The following PTPRK variants were observed in gnomAD, a reference collection of about 807,000 sequenced individuals.
PTPRK encodes the protein receptor-type tyrosine-protein phosphatase kappa.
A neutral mutation model predicts 178.0 loss-of-function variants in PTPRK; 75 were observed. The observed-to-expected ratio is 0.42, with a 90% CI of 0.35 to 0.51. The LOEUF (loss-of-function observed/expected upper bound fraction) is 0.51. Ranked by LOEUF, PTPRK falls within the 20% of genes least tolerant of loss-of-function variation. The pLI is 0.02. For missense variants in PTPRK, 1,441 were observed against 1,797.8 expected, an observed-to-expected ratio of 0.80 and a Z score of 3.59; for synonymous variants, 637 against 620.6, an observed-to-expected ratio of 1.03 and a Z score of -0.39.
chr6:128,480,248 C>T (rs1851897760), intron 1 of PTPRK, among the ~76,000 whole-genome samples: 2 of 152,138 alleles, frequency 1.3e-5, no homozygotes, highest in African/African-American at 4.8e-5. Context: ...CGCGCTTGTT[C>T]TTCCAGATGC....
In PTPRK at chr6:128,082,617, A is replaced by C; in HGVS notation, c.1597T>G (p.Ser533Ala). ...QYEISYSSIR[S>A]FDPAVPVAGP... ...GCCACTGGAACTGCAGGATCAAATGATCTTATACTGCTATAGCTGATCTGT... is the reference window on the plus strand; with the variant it reads ...GCCACTGGAACTGCAGGATCAAATGCTCTTATACTGCTATAGCTGATCTGT... Residue 533 changes from serine (S) to alanine (A), a missense_variant, in exon 10 of 30, where the codon TCA (serine) becomes GCA (alanine). Ser to Ala is a moderately conservative substitution (Grantham distance 99). Around this residue, in one of 4 missense-constraint regions of PTPRK, gnomAD observed 945 missense variants for 1,080.6 expected, o/e 0.87. Transcript: ENST00000368226. 6.2e-7 allele frequency: 1 copy of C among 1,610,406 alleles called. No individual in the cohort carries two copies. The highest frequency in any genetic ancestry group is 8.5e-7 in the Non-Finnish European group (1 of 1,176,936).
chr6:128,210,326 C>A (rs1254786071), intron 6 of PTPRK, among the ~76,000 whole-genome samples: 1 of 149,340 alleles, frequency 6.7e-6, no homozygotes. Flanking sequence ...GTAGGCATTA[C>A]ATAAAGATCT....
intron 7 of PTPRK, among the ~76,000 whole-genome samples, chr6:128,145,818 T>A (rs1013588292): frequency 6.6e-6 from 1 of 152,232 alleles, no homozygotes; most frequent in Non-Finnish European, 1.5e-5. Flanking sequence ...AGAAGTCATT[T>A]CTATCTTAAA....
chr6:128,083,893 G>T, intron 8 of PTPRK, 69 bp from the exon 9 acceptor site: 1 of 769,282 alleles, frequency 1.3e-6, no homozygotes, highest in Non-Finnish European at 2.0e-6. Flanking sequence ...AATCAGATAA[G>T]CTAGATAAAC....
chr6:128,000,439 T>C (rs977128351), intron 15 of PTPRK: 22 of 656,072 alleles, frequency 3.4e-5, no homozygotes, highest in Non-Finnish European at 4.1e-5. Context: ...ATGCTCTTTT[T>C]GTAGCATTCA....
intron 7 of PTPRK, among the ~76,000 whole-genome samples, chr6:128,091,242 A>T (rs1786889780): frequency 6.6e-6 from 1 of 152,216 alleles, no homozygotes; most frequent in Admixed American, 6.5e-5. Context: ...CACAGCATCC[A>T]GACTCCCAAC....
chr6:128,030,981 G>A (rs1196398463), intron 13 of PTPRK, among the ~76,000 whole-genome samples: 1 of 152,098 alleles, frequency 6.6e-6, no homozygotes, highest in Non-Finnish European at 1.5e-5. Flanking sequence ...TAAATGACAT[G>A]ATAGATAAAA....
At chr6:128,396,128 A>G (rs1840268291) in intron 2 of PTPRK, among the ~76,000 whole-genome samples, 1 of 151,914 alleles carries the variant, frequency 6.6e-6, no homozygotes, top group Non-Finnish European at 1.5e-5. Flanking sequence ...TTCAATAAGC[A>G]GAATTAACAT....
intron 3 of PTPRK, among the ~76,000 whole-genome samples, chr6:128,307,026 C>T (rs1006871637): frequency 1.3e-5 from 2 of 150,762 alleles, no homozygotes; most frequent in African/African-American, 4.9e-5. Context: ...GATCTAGATG[C>T]CAGTTAGATG....
intron 3 of PTPRK, among the ~76,000 whole-genome samples, chr6:128,273,428 T>C (rs1820210635): frequency 6.6e-6 from 1 of 152,172 alleles, no homozygotes; most frequent in Admixed American, 6.5e-5. Context: ...CAGTGACACT[T>C]AATCTTTGCA....
chr6:128,258,011 A>G (rs1034729155), intron 3 of PTPRK, among the ~76,000 whole-genome samples: 1 of 152,212 alleles, frequency 6.6e-6, no homozygotes, highest in African/African-American at 2.4e-5. Flanking sequence ...CCTGGGAGAA[A>G]GAAAAATGGC....
intron 1 of PTPRK, among the ~76,000 whole-genome samples, chr6:128,418,939 G>A (rs10428737): frequency 0.17 from 26,233 of 151,970 alleles, 4,415 homozygotes; most frequent in African/African-American, 0.44. Flanking sequence ...GCACTCTATT[G>A]TGTCACCAAT....
intron 1 of PTPRK, among the ~76,000 whole-genome samples, chr6:128,434,757 A>C (rs1241744166): frequency 2.0e-5 from 3 of 152,172 alleles, no homozygotes; most frequent in African/African-American, 2.4e-5. Flanking sequence ...AGCTGGGTAC[A>C]GTGGCTTATG....
At chr6:128,140,948 A>C (rs1795688351) in intron 7 of PTPRK, among the ~76,000 whole-genome samples, 1 of 151,946 alleles carries the variant, frequency 6.6e-6, no homozygotes, top group Non-Finnish European at 1.5e-5. Flanking sequence ...TACCATGTAT[A>C]AGGGAGAATT....
chr6:128,359,553 G>A (rs1424858674), intron 2 of PTPRK, among the ~76,000 whole-genome samples: 3 of 151,836 alleles, frequency 2.0e-5, no homozygotes, highest in Non-Finnish European at 4.4e-5. Flanking sequence ...GGAGCCCGGG[G>A]CCAGCCTAAC....
At chr6:128,412,759 G>C (rs985834907) in intron 1 of PTPRK, among the ~76,000 whole-genome samples, 4 of 152,198 alleles carry the variant, frequency 2.6e-5, no homozygotes, top group Non-Finnish European at 4.4e-5. Flanking sequence ...TAGAGTAATG[G>C]CTTCCGGTTG....
At chr6:128,461,231 CGTGTGTGTGTGT>C (rs144928884) in intron 1 of PTPRK, among the ~76,000 whole-genome samples, 2 of 146,980 alleles carry the variant, frequency 1.4e-5, no homozygotes, top group Non-Finnish European at 3.0e-5. Context: ...TTTGTTATTC[CGTGTGTGTGTGT>C]GTGTGTGTGT....
At position 127,973,740 on chromosome 6, in the gene PTPRK, A is replaced by G. The variant is rs747846736; in HGVS notation, c.4057T>C (p.Leu1353=). Residue 1353 remains leucine, a synonymous_variant, in exon 28 of 30, where the codon TTG becomes CTG. Coordinates refer to ENST00000368226, the MANE Select transcript of PTPRK (RefSeq NM_002844.4). The stretch of plus-strand genomic sequence containing the variant: ...TTTTCCACCTGAAGTATCAGTTTCA[A>G]GAATGACCTTTTGGATCCAGGCACT... ...REVPGSKRSF[L]KLILQVEKWQ... 5 of 1,613,910 alleles carry G rather than the reference A, an allele frequency of 3.1e-6. No individual in the cohort carries two copies. In the South Asian group the frequency reaches 3.3e-5, roughly 11 times the overall value.
chr6:128,039,804 A>C (rs1776863247), intron 13 of PTPRK, among the ~76,000 whole-genome samples: 1 of 152,118 alleles, frequency 6.6e-6, no homozygotes, highest in Non-Finnish European at 1.5e-5. Flanking sequence ...TCCCTCCTAC[A>C]ACCCTCTTCT....
Sources: allele counts gnomAD v4.1 joint callset (sites outside exome capture counted in the v4.1 genomes callset), GRCh38; gene constraint gnomAD v4.1.1; regional missense constraint gnomAD v4.1.1; transcripts MANE v1.5; gene names NCBI Gene and HGNC (gene_info 2026-07-23, HGNC 2026-07-21).